EFCAB12: variants seen among roughly 807,000 people sequenced by gnomAD.
EFCAB12 encodes the protein EF-hand calcium binding domain 12, also known as EF-hand calcium-binding domain-containing protein 12.
In EFCAB12, 43 loss-of-function variants were observed where a neutral mutation model predicts 53.6. The observed-to-expected ratio is 0.80, with a 90% CI of 0.63 to 1.03. EFCAB12 has a LOEUF of 1.03. Among genes scored for constraint, EFCAB12 ranks in the 50% least tolerant of loss-of-function variants. EFCAB12 has a pLI of 0.00. For missense variants in EFCAB12, 646 were observed against 730.6 expected (o/e 0.88, Z 1.34); for synonymous variants, 269 against 289.2 (o/e 0.93, Z 0.71).
intron 2 of EFCAB12, 147 bp from the exon 3 acceptor site, chr3:129,418,595 T>G: frequency 1.7e-6 from 1 of 592,688 alleles, no homozygotes; most frequent in African/African-American, 1.9e-5. Context: ...TCAGGGCAAC[T>G]GTGTTTGGCC....
At position 129,426,349 on chromosome 3, in the gene EFCAB12, G is replaced by GTTTT. The variant is rs1229958503; in HGVS notation, c.49+2087_49+2090dup. 3.7e-4 allele frequency among the ~76,000 whole-genome samples: 40 copies of GTTTT among 106,926 alleles called. 1 individual carries two copies. Among genetic ancestry groups the GTTTT allele is most frequent in the African/African-American group, 1.2e-3 (30 of 24,530 alleles). The allele number at this position is 106,926 out of a possible 152,430, so 70.1% of individuals were successfully genotyped here. On this transcript the variant is annotated intron_variant, in intron 1 of 8. Coordinates refer to ENST00000505956, the MANE Select transcript of EFCAB12 (RefSeq NM_207307.3). ...CATCTCCACTTGGATGGCTTACAGG[G>GTTTT]TTTTTTTTTGTTTTTTTTTTTTTTT...
intron 1 of EFCAB12, among the ~76,000 whole-genome samples, chr3:129,422,924 G>A (rs1383039782): frequency 6.6e-6 from 1 of 152,108 alleles, no homozygotes; most frequent in African/African-American, 2.4e-5. Flanking sequence ...TTTTCTAGTA[G>A]ACTATGAGCT....
chr3:129,402,728 C>A, intron 7 of EFCAB12, 149 bp from the exon 8 acceptor site: 2 of 718,020 alleles, frequency 2.8e-6, no homozygotes. Flanking sequence ...CTGGGGTGGA[C>A]CCTGACTCTG....
intron 5 of EFCAB12, among the ~76,000 whole-genome samples, chr3:129,410,800 C>T (rs1023371971): frequency 1.3e-5 from 2 of 152,176 alleles, no homozygotes; most frequent in African/African-American, 4.8e-5. Flanking sequence ...ATCAATCCTT[C>T]CTTCACTTGC....
At chr3:129,416,450 A>AAACAAAC (rs1559789371) in intron 3 of EFCAB12, among the ~76,000 whole-genome samples, 3 of 146,806 alleles carry the variant, frequency 2.0e-5, no homozygotes, top group African/African-American at 7.8e-5. Flanking sequence ...AACAAACAAA[A>AAACAAAC]AAATGAACTC....
intron 3 of EFCAB12, among the ~76,000 whole-genome samples, chr3:129,416,480 A>C (rs1044340481): frequency 6.6e-6 from 1 of 152,192 alleles, no homozygotes; most frequent in Non-Finnish European, 1.5e-5. Flanking sequence ...TAAAGAATGT[A>C]ATATTTAAAC....
intron 3 of EFCAB12, among the ~76,000 whole-genome samples, chr3:129,417,186 G>C (rs957468611): frequency 6.6e-6 from 1 of 151,568 alleles, no homozygotes; most frequent in Non-Finnish European, 1.5e-5. Context: ...TTAGCCGGGC[G>C]TGGTGGTGCA....
At chr3:129,408,598 TG>T (rs1181637660) in intron 6 of EFCAB12, 46 bp downstream of exon 6, 1 of 1,546,234 alleles carries the variant, frequency 6.5e-7, no homozygotes, top group Non-Finnish European at 8.8e-7. Context: ...ACCCCAGCTC[TG>T]GGGTTCCCTT....
chr3:129,427,126 C>T (rs536874240), intron 1 of EFCAB12, among the ~76,000 whole-genome samples: 3 of 152,090 alleles, frequency 2.0e-5, no homozygotes, highest in Non-Finnish European at 4.4e-5. Flanking sequence ...GGATTACAGG[C>T]GTGAGCCACC....
At position 129,428,568 on chromosome 3, in the gene EFCAB12, G is replaced by A; in HGVS notation, c.-80C>T. The A allele has an allele frequency of 1.3e-6, 2 of 1,526,944 alleles. No individual in the cohort carries two copies. The highest frequency in any genetic ancestry group is 1.8e-6 in the Non-Finnish European group (2 of 1,124,512). 94.6% of individuals were successfully genotyped at this position (1,526,944 alleles called of 1,614,324 possible). ...GGGCTTGCTTGCGTAGGGGTACCGG[G>A]GTATCAGATAAACCGTAACTCCAAG... On this transcript the variant is annotated 5_prime_UTR_variant, in exon 1 of 9. Transcript: ENST00000505956.
intron 6 of EFCAB12, among the ~76,000 whole-genome samples, chr3:129,405,538 C>T (rs951994655): frequency 2.6e-5 from 4 of 152,152 alleles, no homozygotes; most frequent in African/African-American, 9.7e-5. Flanking sequence ...ACAGCCAACT[C>T]AGGCTGGGGA....
chr3:129,411,475 C>T, intron 4 of EFCAB12, 121 bp from the exon 5 acceptor site: 1 of 1,058,284 alleles, frequency 9.4e-7, no homozygotes, highest in Middle Eastern at 3.1e-4. Context: ...GCTCCCTTCC[C>T]ACACGTCTGG....
At chr3:129,406,613 C>T (rs569888832) in intron 6 of EFCAB12, among the ~76,000 whole-genome samples, 1 of 152,260 alleles carries the variant, frequency 6.6e-6, no homozygotes, top group East Asian at 1.9e-4. Context: ...AGTGATCCTC[C>T]TACCTCAGCC....
intron 6 of EFCAB12, 78 bp from the exon 7 acceptor site, chr3:129,404,481 GGT>G: frequency 1.5e-6 from 2 of 1,346,520 alleles, no homozygotes; most frequent in Non-Finnish European, 1.9e-6. Flanking sequence ...GGTCAGAGGA[GGT>G]GTTTTTTTTT....
chr3:129,419,735 C>G (rs1399817106), intron 2 of EFCAB12, among the ~76,000 whole-genome samples: 1 of 152,280 alleles, frequency 6.6e-6, no homozygotes, highest in East Asian at 1.9e-4. Flanking sequence ...TTTCAGCCTC[C>G]AGGACTGTGA....
chr3:129,424,401 C>A (rs917579187), intron 1 of EFCAB12, among the ~76,000 whole-genome samples: 1 of 152,122 alleles, frequency 6.6e-6, no homozygotes, highest in African/African-American at 2.4e-5. Context: ...AGCGAGTGCT[C>A]ACAAGATCTG....
chr3:129,428,476 AGTCGTCGTCCATG>A lies in EFCAB12; in HGVS notation c.-1_12del. The A allele has an allele frequency of 3.1e-6, 5 of 1,611,536 alleles. No homozygotes were observed. In the East Asian group the frequency reaches 1.1e-4, roughly 36 times the overall value. Reference sequence around the variant, plus strand: ...AAGAACAGACTGTGGTACGCTTCATAGTCGTCGTCCATGGTCGTGGTGCTGGGAGGGGGTGCTG... The same window carrying A: ...AAGAACAGACTGTGGTACGCTTCATAGTCGTGGTGCTGGGAGGGGGTGCTG... On this transcript the variant is annotated start_lost and 5_prime_UTR_variant, in exon 1 of 9. Transcript: ENST00000505956.
In EFCAB12 at chr3:129,418,536, G is replaced by A; in HGVS notation, c.487-88C>T. 4 of 1,242,944 alleles carry A rather than the reference G, an allele frequency of 3.2e-6. No homozygotes were observed. In the South Asian group the frequency reaches 6.6e-5, roughly 20 times the overall value. 77.0% of individuals were successfully genotyped at this position (1,242,944 alleles called of 1,614,324 possible). On this transcript the variant is annotated intron_variant, in intron 2 of 8. Coordinates refer to ENST00000505956, the MANE Select transcript of EFCAB12 (RefSeq NM_207307.3). ...AGTCCCCAGAGTTAGGGACTAAGGA[G>A]AGGACGAGCAGCTCTAAATAGCAGG... is the stretch of plus-strand genomic sequence containing the variant.
Position 129,401,707 on chromosome 3 carries a change from G to A in EFCAB12, c.1605C>T (p.His535=). The A allele has an allele frequency of 1.3e-6, 2 of 1,595,540 alleles. No homozygotes were observed. The highest frequency in any genetic ancestry group is 3.3e-4 in the Middle Eastern group (2 of 6,038). ...AGGTGGCTGGGTAGACATGGGGCTG[G>A]TGTTGAACACAACTGAAGAGCGCCA... The part of the protein sequence containing the change: ...RSLALFSCVQ[H]QPHVYPATYH... The change falls in exon 9 of 9, where the codon CAC becomes CAT. Residue 535 remains histidine, a synonymous_variant. Coordinates refer to ENST00000505956, the MANE Select transcript of EFCAB12 (RefSeq NM_207307.3).
Sources: allele counts gnomAD v4.1 joint callset (sites outside exome capture counted in the v4.1 genomes callset), GRCh38; gene constraint gnomAD v4.1.1; transcripts MANE v1.5; gene names NCBI Gene and HGNC (gene_info 2026-07-23, HGNC 2026-07-21).